The following ZG16 variants were observed in gnomAD, a reference collection of about 807,000 sequenced individuals.
ZG16 encodes the protein zymogen granule protein 16.
ZG16 carries 9 observed loss-of-function variants against 15.6 expected under a neutral mutation model. The ratio of observed to expected loss-of-function variants is 0.58; its 90% confidence interval spans 0.35 to 1.00. ZG16 has a LOEUF of 1.00. ZG16 is among the 50% of genes least tolerant of loss of function. The pLI is 0.02. For synonymous variants in ZG16, 89 were observed against 87.4 expected (o/e 1.02, Z -0.10); for missense variants, 174 against 214.8 (o/e 0.81, Z 1.19).
rs1412338070 is a variant in ZG16 at position 29,781,051 on chromosome 16, GCCA to G, written c.*638_*640del. The stretch of plus-strand genomic sequence containing the variant: ...TCTGGGATTCCTCCTTCCTCAGGAA[GCCA>G]CCACCTTCTCAGCAGTGGAAACCCT... On this transcript the variant is annotated 3_prime_UTR_variant, in exon 4 of 4. Coordinates refer to ENST00000400752, the MANE Select transcript of ZG16 (RefSeq NM_152338.4). 1 of 152,570 alleles carries G rather than the reference GCCA, an allele frequency of 6.6e-6. No individual in the cohort carries two copies. Among genetic ancestry groups the G allele is most frequent in the African/African-American group, 2.4e-5 (1 of 41,432 alleles). 9.5% of individuals were successfully genotyped at this position (152,570 alleles called of 1,614,324 possible). A position where few individuals can be genotyped will look rare whatever the true frequency, so the allele number is the denominator to read the frequency against.
Position 29,780,351 on chromosome 16 carries a change from T to C in ZG16, c.436T>C (p.Ser146Pro). 6.5e-7 allele frequency: 1 copy of C among 1,537,248 alleles called. No individual in the cohort carries two copies. Among genetic ancestry groups the C allele is most frequent in the Non-Finnish European group, 8.7e-7 (1 of 1,146,914 alleles). Residue 146 changes from serine to proline, a missense_variant, in exon 4 of 4, where the codon TCT (serine) becomes CCT (proline). By Grantham distance (74) the Ser-to-Pro change is moderately conservative (BLOSUM62 -1). Transcript: ENST00000400752. ...CGTGCTCCGCTTCATCAGTGGCCGG[T>C]CTGGTTCTCTCATCGATGCCATTGG... ...NTVLRFISGRSGSLIDAIGLH... is the reference protein window; with the variant it reads ...NTVLRFISGRPGSLIDAIGLH...
At position 29,781,755 on chromosome 16, in the gene ZG16, TGACA is replaced by T. The variant is rs1187270093; in HGVS notation, c.*1339_*1342del. Reference sequence around the variant, plus strand: ...CAGCACAACTGCACCCCAGCCTGGATGACAGAGTGAGACTCCATCTAAAAAAAAA... The same window carrying T: ...CAGCACAACTGCACCCCAGCCTGGATGAGTGAGACTCCATCTAAAAAAAAA... On this transcript the variant is annotated 3_prime_UTR_variant, in exon 4 of 4. Transcript: ENST00000400752. 1 of 152,064 alleles carries T rather than the reference TGACA, an allele frequency of 6.6e-6. No individual in the cohort carries two copies. Among genetic ancestry groups the T allele is most frequent in the Non-Finnish European group, 1.5e-5 (1 of 68,034 alleles). The allele number at this position is 152,064 out of a possible 1,614,324, so 9.4% of individuals were successfully genotyped here.
intron 1 of ZG16, 64 bp from the exon 2 acceptor site, chr16:29,779,196 C>A (rs759751927): frequency 1.4e-5 from 21 of 1,506,416 alleles, no homozygotes; most frequent in Middle Eastern, 3.4e-4. Flanking sequence ...TCAGGAGTGC[C>A]TGGGTCAATC....
Position 29,780,489 on chromosome 16 carries a change from TG to T in ZG16, c.*72del. 8.0e-7 allele frequency: 1 copy of T among 1,256,570 alleles called. No homozygotes were observed. Among genetic ancestry groups the T allele is most frequent in the African/African-American group, 2.0e-5 (1 of 51,222 alleles). The allele number at this position is 1,256,570 out of a possible 1,614,324, so 77.8% of individuals were successfully genotyped here. ...CCCTTATCACTAACCCCCATCCAAA[TG>T]GCTCAATAAAAAAAATATGGTTAAG... On this transcript the variant is annotated 3_prime_UTR_variant, in exon 4 of 4. Coordinates refer to ENST00000400752, the MANE Select transcript of ZG16 (RefSeq NM_152338.4).
In ZG16 at chr16:29,780,520, G is replaced by A. The variant is rs762923362; in HGVS notation, c.*101G>A. Reference sequence around the variant, plus strand: ...AATAAAAAAAATATGGTTAAGGCTAGTCTGTGTGGGGGCATCTGTGGCTGG... The same window carrying A: ...AATAAAAAAAATATGGTTAAGGCTAATCTGTGTGGGGGCATCTGTGGCTGG... On this transcript the variant is annotated 3_prime_UTR_variant, in exon 4 of 4. Coordinates refer to ENST00000400752, the MANE Select transcript of ZG16 (RefSeq NM_152338.4). The A allele has an allele frequency of 4.5e-6, 5 of 1,105,128 alleles. No homozygotes were observed. The African/African-American group carries it at 6.3e-5, about 14-fold the overall frequency. 68.5% of individuals were successfully genotyped at this position (1,105,128 alleles called of 1,614,324 possible).
At position 29,779,534 on chromosome 16, in the gene ZG16, G is replaced by T; in HGVS notation, c.85G>T (p.Glu29Ter). 1 of 1,537,242 alleles carries T rather than the reference G, an allele frequency of 6.5e-7. No homozygotes were observed. The highest frequency in any genetic ancestry group is 8.7e-7 in the Non-Finnish European group (1 of 1,146,922). Residue 29 changes from glutamate (E) to a stop codon, truncating the protein, a stop_gained, in exon 3 of 4, where the codon GAG becomes TAG. Coordinates refer to ENST00000400752, the MANE Select transcript of ZG16 (RefSeq NM_152338.4). LOFTEE classifies it high-confidence loss of function. ...IQARSSSYSG[E>*]YGGGGGKRFS... Reference sequence around the variant, plus strand: ...GGCCAGGTCTTCCTCCTATAGTGGAGAGTATGGAGGTGGTGGTGGAAAGCG... The same window carrying T: ...GGCCAGGTCTTCCTCCTATAGTGGATAGTATGGAGGTGGTGGTGGAAAGCG...
At chr16:29,778,645 T>C (rs1351330699) in intron 1 of ZG16, among the ~76,000 whole-genome samples, 1 of 152,198 alleles carries the variant, frequency 6.6e-6, no homozygotes, top group African/African-American at 2.4e-5. Flanking sequence ...ATACTGGTGC[T>C]GGCACAGTTC....
Position 29,780,314 on chromosome 16 carries a change from G to A in ZG16, c.399G>A (p.Leu133=), listed in dbSNP as rs958828128. The A allele has an allele frequency of 1.3e-6, 2 of 1,537,368 alleles. No homozygotes were observed. The highest frequency in any genetic ancestry group is 1.4e-5 in the African/African-American group (1 of 73,162). The change falls in exon 4 of 4, where the codon TTG becomes TTA. Residue 133 remains leucine (L), a synonymous_variant. Transcript: ENST00000400752. The stretch of plus-strand genomic sequence containing the variant: ...GCACAAGTTTCAATGCCGTCCCCTT[G>A]CACCCCAACACCGTGCTCCGCTTCA... ...DSGTSFNAVP[L]HPNTVLRFIS...
At chr16:29,778,686 C>T (rs769289996) in intron 1 of ZG16, among the ~76,000 whole-genome samples, 4 of 152,178 alleles carry the variant, frequency 2.6e-5, no homozygotes, top group Non-Finnish European at 5.9e-5. Context: ...CCCCAGGTAA[C>T]ATAGAGGCAA....
In ZG16 at chr16:29,780,068, C is replaced by T. The variant is rs1286398807; in HGVS notation, c.189-36C>T. The T allele has an allele frequency of 2.0e-6, 3 of 1,506,174 alleles. No homozygotes were observed. In the East Asian group the frequency reaches 7.4e-5, roughly 37 times the overall value. The allele number at this position is 1,506,174 out of a possible 1,614,324, so 93.3% of individuals were successfully genotyped here. ...CAGAGACCTCTCATCCCTATCATCACCTTTCTTTCTCCTTCCTTCCTCCCC... is the reference window on the plus strand; with the variant it reads ...CAGAGACCTCTCATCCCTATCATCATCTTTCTTTCTCCTTCCTTCCTCCCC... On this transcript the variant is annotated intron_variant, in intron 3 of 3. Transcript: ENST00000400752.
Position 29,780,260 on chromosome 16 carries a change from C to A in ZG16, c.345C>A (p.Gly115=), listed in dbSNP as rs1284314847. 4 of 1,537,384 alleles carry A rather than the reference C, an allele frequency of 2.6e-6. No individual in the cohort carries two copies. The highest frequency in any genetic ancestry group is 3.5e-6 in the Non-Finnish European group (4 of 1,146,972). Residue 115 remains glycine (G), a synonymous_variant, in exon 4 of 4, where the codon GGC becomes GGA. Coordinates refer to ENST00000400752, the MANE Select transcript of ZG16 (RefSeq NM_152338.4). Reference sequence around the variant, plus strand: ...AGCTGGTATTTGTGACAGACAAGGGCCGCTATCTGTCTTTTGGGAAAGACA... The same window carrying A: ...AGCTGGTATTTGTGACAGACAAGGGACGCTATCTGTCTTTTGGGAAAGACA... ...LKKLVFVTDK[G]RYLSFGKDSG...
chr16:29,779,592 C>G lies in ZG16; in HGVS notation c.143C>G (p.Pro48Arg), dbSNP rs534676926. 19 of 1,536,894 alleles carry G rather than the reference C, an allele frequency of 1.2e-5. No homozygotes were observed. In the East Asian group the frequency reaches 4.6e-4, roughly 38 times the overall value. The change falls in exon 3 of 4, where the codon CCC (proline) becomes CGC (arginine). Residue 48 changes from proline to arginine, a missense_variant. Coordinates refer to ENST00000400752, the MANE Select transcript of ZG16 (RefSeq NM_152338.4). ...FSHSGNQLDG[P>R]ITALRVRVNT... is the part of the protein sequence containing the mutation. ...CATTCTGGCAACCAGTTGGACGGCC[C>G]CATCACCGCCCTCCGGGTCCGAGTC...
chr16:29,782,416 G>T lies in ZG16; in HGVS notation c.*1997G>T, dbSNP rs902561432. 6.6e-6 allele frequency: 1 copy of T among 152,212 alleles called. No individual in the cohort carries two copies. Among genetic ancestry groups the T allele is most frequent in the Non-Finnish European group, 1.5e-5 (1 of 68,038 alleles). The allele number at this position is 152,212 out of a possible 1,614,324, so 9.4% of individuals were successfully genotyped here. A position where few individuals can be genotyped will look rare whatever the true frequency, so the allele number is the denominator to read the frequency against. ...TTTGTAGGCAAAATGAGGAGTTGAA[G>T]TTCCCCGTAGGATCTTCTAGGGCTC... On this transcript the variant is annotated 3_prime_UTR_variant, in exon 4 of 4. Coordinates refer to ENST00000400752, the MANE Select transcript of ZG16 (RefSeq NM_152338.4).
In ZG16 at chr16:29,779,261, C is replaced by A; in HGVS notation, c.-6C>A. The A allele has an allele frequency of 6.5e-7, 1 of 1,537,694 alleles. No homozygotes were observed. Among genetic ancestry groups the A allele is most frequent in the African/African-American group, 1.4e-5 (1 of 73,112 alleles). On this transcript the variant is annotated splice_region_variant and 5_prime_UTR_variant, in exon 2 of 4. Coordinates refer to ENST00000400752, the MANE Select transcript of ZG16 (RefSeq NM_152338.4). The stretch of plus-strand genomic sequence containing the variant: ...TTTGCTCTTTTCTTCCCACTCCAGC[C>A]CCAGAATGTTGACAGTCGCTCTCCT...
At position 29,780,293 on chromosome 16, in the gene ZG16, A is replaced by C; in HGVS notation, c.378A>C (p.Thr126=). 1 of 1,537,444 alleles carries C rather than the reference A, an allele frequency of 6.5e-7. No homozygotes were observed. The highest frequency in any genetic ancestry group is 8.7e-7 in the Non-Finnish European group (1 of 1,146,954). The change falls in exon 4 of 4, where the codon ACA becomes ACC. Residue 126 remains threonine (T), a synonymous_variant. Coordinates refer to ENST00000400752, the MANE Select transcript of ZG16 (RefSeq NM_152338.4). The part of the protein sequence containing the change: ...RYLSFGKDSG[T]SFNAVPLHPN... ...TGTCTTTTGGGAAAGACAGTGGCAC[A>C]AGTTTCAATGCCGTCCCCTTGCACC...
At position 29,780,203 on chromosome 16, in the gene ZG16, G is replaced by C. The variant is rs1451254408; in HGVS notation, c.288G>C (p.Gln96His). Residue 96 changes from glutamine (Q) to histidine (H), a missense_variant, in exon 4 of 4, where the codon CAG (glutamine) becomes CAC (histidine). Physicochemically the swap from Gln to His is conservative, Grantham distance 24. Coordinates refer to ENST00000400752, the MANE Select transcript of ZG16 (RefSeq NM_152338.4). ...TGCACCCTGGGGAATCAGTGATCCAGGTTTCTGGGAAGTACAAGTGGTACC... is the reference window on the plus strand; with the variant it reads ...TGCACCCTGGGGAATCAGTGATCCACGTTTCTGGGAAGTACAAGTGGTACC... ...IFLHPGESVI[Q>H]VSGKYKWYLK... 2.0e-6 allele frequency: 3 copies of C among 1,537,416 alleles called. No homozygotes were observed. The African/African-American group carries it at 4.1e-5, about 21-fold the overall frequency.
In ZG16 at chr16:29,782,384, C is replaced by CA; in HGVS notation, c.*1967dup. The CA allele has an allele frequency of 6.6e-6, 1 of 152,312 alleles. No individual in the cohort carries two copies. Among genetic ancestry groups the CA allele is most frequent in the African/African-American group, 2.4e-5 (1 of 41,570 alleles). The allele number at this position is 152,312 out of a possible 1,614,324, so 9.4% of individuals were successfully genotyped here. On this transcript the variant is annotated 3_prime_UTR_variant, in exon 4 of 4. Coordinates refer to ENST00000400752, the MANE Select transcript of ZG16 (RefSeq NM_152338.4). ...TTTAAGGCCAGCCCGGGCAACATAG[C>CA]AACCTGTTTGTAGGCAAAATGAGGA...
Position 29,780,134 on chromosome 16 carries a change from C to G in ZG16, c.219C>G (p.Ser73Arg). Residue 73 changes from serine (S) to arginine (R), a missense_variant, in exon 4 of 4, where the codon AGC (serine) becomes AGG (arginine). By Grantham distance (110) the Ser-to-Arg change is moderately radical. Coordinates refer to ENST00000400752, the MANE Select transcript of ZG16 (RefSeq NM_152338.4). Reference sequence around the variant, plus strand: ...AGGTGCGCTATGGCAAGGTGTGGAGCGACTATGTGGGTGGTCGCAACGGAG... The same window carrying G: ...AGGTGCGCTATGGCAAGGTGTGGAGGGACTATGTGGGTGGTCGCAACGGAG... ...GLQVRYGKVW[S>R]DYVGGRNGDL... is the part of the protein sequence containing the mutation. 1 of 1,537,084 alleles carries G rather than the reference C, an allele frequency of 6.5e-7. No homozygotes were observed. The highest frequency in any genetic ancestry group is 2.0e-5 in the Admixed American group (1 of 50,972).
In ZG16 at chr16:29,779,578, C is replaced by T; in HGVS notation, c.129C>T (p.Asn43=). 1 of 1,537,190 alleles carries T rather than the reference C, an allele frequency of 6.5e-7. No individual in the cohort carries two copies. Among genetic ancestry groups the T allele is most frequent in the Non-Finnish European group, 8.7e-7 (1 of 1,146,926 alleles). Residue 43 remains asparagine (N), a synonymous_variant, in exon 3 of 4, where the codon AAC becomes AAT. Transcript: ENST00000400752. Reference sequence around the variant, plus strand: ...GAAAGCGATTCTCTCATTCTGGCAACCAGTTGGACGGCCCCATCACCGCCC... The same window carrying T: ...GAAAGCGATTCTCTCATTCTGGCAATCAGTTGGACGGCCCCATCACCGCCC... The part of the protein sequence containing the change: ...GGGKRFSHSG[N]QLDGPITALR...
Sources: gnomAD v4.1 joint callset for allele counts (sites outside exome capture counted in the v4.1 genomes callset) on GRCh38, gnomAD v4.1.1 for gene constraint, MANE v1.5 for transcripts, NCBI Gene and HGNC (gene_info 2026-07-23, HGNC 2026-07-21) for gene names.